ZNF678: variants seen among roughly 807,000 people sequenced by gnomAD.
ZNF678 encodes the protein hypothetical protein MGC42493.
Under a neutral mutation model 3.0 loss-of-function variants are expected in ZNF678, and 5 were observed. That is an observed-to-expected ratio of 1.69 (90% CI 0.88 to 3.56). The LOEUF (loss-of-function observed/expected upper bound fraction) is 3.56. ZNF678 is among the 30% of genes most tolerant of loss of function. The pLI is 0.00. For synonymous variants in ZNF678, 218 were observed against 199.6 expected, an observed-to-expected ratio of 1.09 and a Z score of -0.78; for missense variants, 593 against 605.0, an observed-to-expected ratio of 0.98 and a Z score of 0.21.
chr1:227,586,320 T>C (rs573619780), intron 1 of ZNF678, among the ~76,000 whole-genome samples: 2 of 152,320 alleles, frequency 1.3e-5, no homozygotes, highest in East Asian at 3.9e-4. Flanking sequence ...GTAATATTTA[T>C]TAAACTAAGC....
rs1659277541 is a variant in ZNF678, at chr1:227,657,382, C to T, written c.*1554C>T. ...AAACCTCTTTTCTGTATTAATTTGC[C>T]AGTGTTAAGTATTCCCTTCTAGCAG... On this transcript the variant is annotated 3_prime_UTR_variant, in exon 4 of 4. Transcript: ENST00000343776. The T allele has an allele frequency of 6.6e-6, 1 of 151,866 alleles. No homozygotes were observed. Among genetic ancestry groups the T allele is most frequent in the African/African-American group, 2.4e-5 (1 of 41,372 alleles). The allele number at this position is 151,866 out of a possible 1,614,324, so 9.4% of individuals were successfully genotyped here.
intron 1 of ZNF678, among the ~76,000 whole-genome samples, chr1:227,610,189 C>G (rs975976041): frequency 1.3e-5 from 2 of 152,134 alleles, no homozygotes; most frequent in African/African-American, 4.8e-5. Context: ...AATAGAAAAC[C>G]TGACGTACTA....
At chr1:227,629,858 C>G (rs1658507969) in intron 1 of ZNF678, among the ~76,000 whole-genome samples, 2 of 152,074 alleles carry the variant, frequency 1.3e-5, no homozygotes, top group Non-Finnish European at 2.9e-5. Context: ...GAAGCAAGCC[C>G]TATTAGGCAT....
chr1:227,654,843 G>T lies in ZNF678; in HGVS notation c.593G>T (p.Ser198Ile). 1 of 1,609,268 alleles carries T rather than the reference G, an allele frequency of 6.2e-7. No homozygotes were observed. Among genetic ancestry groups the T allele is most frequent in the East Asian group, 2.3e-5 (1 of 44,068 alleles). Residue 198 changes from serine (S) to isoleucine (I), a missense_variant, in exon 4 of 4, where the codon AGC (serine) becomes ATC (isoleucine). Ser to Ile is a moderately radical substitution (Grantham distance 142). Transcript: ENST00000343776. ...TTTAATTGGTGGTCACAACTAACTA[G>T]CCATAAGAAAATTCATAGTGGAGAG... ...KVFNWWSQLT[S>I]HKKIHSGEKP...
At chr1:227,606,035 C>T (rs894034659) in intron 1 of ZNF678, among the ~76,000 whole-genome samples, 1 of 152,132 alleles carries the variant, frequency 6.6e-6, no homozygotes, top group Non-Finnish European at 1.5e-5. Flanking sequence ...CCTGCCCCTC[C>T]ACACCGGTGG....
chr1:227,632,690 C>T (rs1318345474), intron 1 of ZNF678, among the ~76,000 whole-genome samples: 1 of 152,168 alleles, frequency 6.6e-6, no homozygotes, highest in Non-Finnish European at 1.5e-5. Context: ...AACCAGCTGA[C>T]AGGTGCCTGG....
rs1001431016 is a variant in ZNF678 at position 227,656,424 on chromosome 1, G to T, written c.*596G>T. ...TTGCATTAAAAGTTTTTATATTTTTGATTATATATTTTAATATTGATATAA... is the reference window on the plus strand; with the variant it reads ...TTGCATTAAAAGTTTTTATATTTTTTATTATATATTTTAATATTGATATAA... On this transcript the variant is annotated 3_prime_UTR_variant, in exon 4 of 4. Transcript: ENST00000343776. The T allele has an allele frequency of 2.0e-5, 3 of 151,434 alleles. No individual in the cohort carries two copies. Among genetic ancestry groups the T allele is most frequent in the Non-Finnish European group, 4.4e-5 (3 of 67,686 alleles). The allele number at this position is 151,434 out of a possible 1,614,324, so 9.4% of individuals were successfully genotyped here.
chr1:227,571,217 T>C (rs556271312), intron 1 of ZNF678, among the ~76,000 whole-genome samples: 1 of 152,256 alleles, frequency 6.6e-6, no homozygotes, highest in Non-Finnish European at 1.5e-5. Context: ...GCACATTTTC[T>C]GTAAAATTGT....
intron 1 of ZNF678, among the ~76,000 whole-genome samples, chr1:227,593,979 A>T (rs1352348092): frequency 3.3e-5 from 5 of 150,660 alleles, no homozygotes; most frequent in Non-Finnish European, 7.4e-5. Context: ...TGAGAACGTG[A>T]TCTTCAAACT....
At position 227,585,256 on chromosome 1, in the gene ZNF678, G is replaced by A. The variant is rs563654340; in HGVS notation, c.-164+21532G>A. Among the ~76,000 whole-genome samples the A allele has an allele frequency of 2.0e-5, 3 of 152,240 alleles. No individual in the cohort carries two copies. In the East Asian group the frequency reaches 5.8e-4, roughly 29 times the overall value. On this transcript the variant is annotated intron_variant, in intron 1 of 3. Transcript: ENST00000343776. ...GGACATCTGAGCTGAATTATGCATG[G>A]TCAGTGGAGCAAAACTATTGGAGGT...
chr1:227,672,275 G>C (rs902689266), intron 5 of ZNF678, among the ~76,000 whole-genome samples: 23 of 152,114 alleles, frequency 1.5e-4, no homozygotes, highest in African/African-American at 5.6e-4. Flanking sequence ...GGGAACAGTA[G>C]GGGGAAGAAA....
At chr1:227,645,317 G>A (rs1227473664) in intron 1 of ZNF678, among the ~76,000 whole-genome samples, 1 of 152,130 alleles carries the variant, frequency 6.6e-6, no homozygotes, top group African/African-American at 2.4e-5. Context: ...GCTGGTTCTC[G>A]GGTAAATGAG....
At chr1:227,563,959 C>G (rs552501795) in intron 1 of ZNF678, among the ~76,000 whole-genome samples, 40 of 152,348 alleles carry the variant, frequency 2.6e-4, no homozygotes, top group Admixed American at 1.6e-3. Context: ...TGTGCTTTGT[C>G]CAGAGGGGAG....
chr1:227,636,882 T>C (rs973198972), intron 1 of ZNF678, among the ~76,000 whole-genome samples: 1 of 152,172 alleles, frequency 6.6e-6, no homozygotes, highest in Non-Finnish European at 1.5e-5. Flanking sequence ...CCCCATTCTT[T>C]CCAGACGGAT....
chr1:227,653,769 AT>A (rs1247029549), intron 3 of ZNF678, among the ~76,000 whole-genome samples: 2 of 152,014 alleles, frequency 1.3e-5, no homozygotes, highest in East Asian at 3.9e-4. Flanking sequence ...GCTACACCTG[AT>A]GTCTGTCTGT....
At chr1:227,665,455 T>C (rs973170692), downstream of ZNF678, among the ~76,000 whole-genome samples, 2 of 152,200 alleles carry the variant, frequency 1.3e-5, no homozygotes, top group Non-Finnish European at 2.9e-5. Context: ...GGGATATCAC[T>C]TATATTTCAC....
At chr1:227,586,427 A>G (rs188278755) in intron 1 of ZNF678, among the ~76,000 whole-genome samples, 2 of 152,334 alleles carry the variant, frequency 1.3e-5, no homozygotes, top group East Asian at 1.9e-4. Flanking sequence ...CAAATAGAAT[A>G]TATCACTAAA....
At chr1:227,602,440 T>A (rs530531811) in intron 1 of ZNF678, among the ~76,000 whole-genome samples, 1 of 152,284 alleles carries the variant, frequency 6.6e-6, no homozygotes, top group East Asian at 1.9e-4. Context: ...ATTTCACAAT[T>A]TTTTTTGGAC....
chr1:227,585,197 C>G (rs749979785), intron 1 of ZNF678, among the ~76,000 whole-genome samples: 6 of 152,202 alleles, frequency 3.9e-5, no homozygotes, highest in Non-Finnish European at 7.3e-5. Context: ...TAATCGTTTT[C>G]TGTCTAGATC....
Sources: allele counts gnomAD v4.1 joint callset (sites outside exome capture counted in the v4.1 genomes callset), GRCh38; gene constraint gnomAD v4.1.1; transcripts MANE v1.5; gene names NCBI Gene and HGNC (gene_info 2026-07-23, HGNC 2026-07-21).